Variants in SARNP observed in about 807,000 individuals in gnomAD.
The protein encoded by SARNP is SAP domain-containing ribonucleoprotein.
In SARNP, 5 loss-of-function variants were observed where a neutral mutation model predicts 38.1. The ratio of observed to expected loss-of-function variants is 0.13; its 90% CI spans 0.07 to 0.28. The LOEUF is 0.28. SARNP is among the 10% of genes least tolerant of loss of function. SARNP has a pLI of 1.00. For missense variants in SARNP, 180 were observed against 243.9 expected, an observed-to-expected ratio of 0.74 and a Z score of 1.75; for synonymous variants, 84 against 80.6, an observed-to-expected ratio of 1.04 and a Z score of -0.23.
At chr12:55,774,640 C>T (rs866156746) in intron 9 of SARNP, among the ~76,000 whole-genome samples, 4 of 149,030 alleles carry the variant, frequency 2.7e-5, no homozygotes, top group Non-Finnish European at 4.4e-5. Flanking sequence ...CCCAGCTACT[C>T]GGGAGGTTGA....
chr12:55,755,188 ACTC>A (rs1225461080), downstream of SARNP: 3 of 152,020 alleles, frequency 2.0e-5, no homozygotes, highest in Non-Finnish European at 2.9e-5. Flanking sequence ...TTCCTCCCTC[ACTC>A]CTCATATCAG....
intron 1 of SARNP, among the ~76,000 whole-genome samples, chr12:55,804,932 G>T (rs1271340634): frequency 6.6e-6 from 1 of 152,188 alleles, no homozygotes; most frequent in African/African-American, 2.4e-5. Context: ...TTTCAGCTAG[G>T]AGAACATTTC....
At chr12:55,790,631 A>C (rs1179055242) in intron 7 of SARNP, 39 bp from the exon 8 acceptor site, 2 of 1,455,858 alleles carry the variant, frequency 1.4e-6, no homozygotes, top group Admixed American at 2.7e-5. Context: ...TATTTTTAAA[A>C]GTCATCAAAG....
In SARNP at chr12:55,817,587, C is replaced by G. The variant is rs1273263304; in HGVS notation, c.36+79G>C. On this transcript the variant is annotated intron_variant, in intron 1 of 10. Coordinates refer to ENST00000336133, the MANE Select transcript of SARNP (RefSeq NM_033082.4). ...AGTGGAAAAGGCTGCACGGAGAAGA[C>G]GTAGGAGAAGGCGCAAGCTACCCTG... The G allele has an allele frequency of 6.6e-6, 9 of 1,363,846 alleles. No individual in the cohort carries two copies. The South Asian group carries it at 9.9e-5, about 15-fold the overall frequency. 84.5% of individuals were successfully genotyped at this position (1,363,846 alleles called of 1,614,324 possible).
At chr12:55,804,602 G>C (rs1431397748) in intron 1 of SARNP, among the ~76,000 whole-genome samples, 1 of 152,130 alleles carries the variant, frequency 6.6e-6, no homozygotes, top group East Asian at 1.9e-4. Flanking sequence ...TTTAGGCAAA[G>C]AAGGTTAACA....
intron 1 of SARNP, among the ~76,000 whole-genome samples, chr12:55,807,667 A>T (rs1208770532): frequency 6.7e-6 from 1 of 149,512 alleles, no homozygotes; most frequent in Non-Finnish European, 1.5e-5. Context: ...AAAAAAAATT[A>T]GCCGGGCGCG....
At chr12:55,803,239 T>C (rs1880037139) in intron 2 of SARNP, among the ~76,000 whole-genome samples, 1 of 151,970 alleles carries the variant, frequency 6.6e-6, no homozygotes, top group African/African-American at 2.4e-5. Flanking sequence ...ATCCCAGCAC[T>C]TTGGGAGGCT....
At chr12:55,780,583 T>C (rs1209486218) in intron 9 of SARNP, among the ~76,000 whole-genome samples, 1 of 151,920 alleles carries the variant, frequency 6.6e-6, no homozygotes, top group African/African-American at 2.4e-5. Flanking sequence ...AGCAGGAGAA[T>C]CACTTGAACC....
chr12:55,809,174 C>G (rs1441107200), intron 1 of SARNP, among the ~76,000 whole-genome samples: 2 of 152,102 alleles, frequency 1.3e-5, no homozygotes, highest in Non-Finnish European at 2.9e-5. Flanking sequence ...CCACTGCACT[C>G]CAGCCTGGGT....
At chr12:55,762,909 T>C (rs1183060057) in intron 9 of SARNP, among the ~76,000 whole-genome samples, 1 of 152,222 alleles carries the variant, frequency 6.6e-6, no homozygotes, top group African/African-American at 2.4e-5. Context: ...TCTTGGTCTT[T>C]AACTCTTTCA....
chr12:55,766,788 A>G (rs1878850332), intron 9 of SARNP, among the ~76,000 whole-genome samples: 1 of 151,988 alleles, frequency 6.6e-6, no homozygotes, highest in African/African-American at 2.4e-5. Context: ...ACGCCCAACT[A>G]ATTTTTGTTT....
intron 10 of SARNP, 185 bp downstream of exon 10, chr12:55,760,366 T>C (rs761696987): frequency 9.2e-5 from 50 of 546,376 alleles, no homozygotes; most frequent in Non-Finnish European, 1.3e-4. Context: ...AAGAAGTAGG[T>C]GGGAAAACAG....
chr12:55,803,795 TC>T, intron 1 of SARNP, 67 bp from the exon 2 acceptor site: 1 of 1,035,774 alleles, frequency 9.7e-7, no homozygotes, highest in Non-Finnish European at 1.5e-6. Flanking sequence ...AAATGGTAGT[TC>T]CCACAAGGAA....
At chr12:55,803,441 G>A (rs376089279) in intron 2 of SARNP, among the ~76,000 whole-genome samples, 188 bp downstream of exon 2, 74 of 150,812 alleles carry the variant, frequency 4.9e-4, no homozygotes, top group Middle Eastern at 3.4e-3. Context: ...CTGAAACTGC[G>A]TCACTGCACT....
chr12:55,785,518 G>A (rs145471398), intron 9 of SARNP, among the ~76,000 whole-genome samples: 224 of 151,582 alleles, frequency 1.5e-3, no homozygotes, highest in African/African-American at 4.3e-3. Context: ...GGCCATGTGC[G>A]GTGGCTCACG....
chr12:55,774,561 AAAAAAAAAAAAAACAAAC>A (rs1879108797), intron 9 of SARNP, among the ~76,000 whole-genome samples: 6 of 5,940 alleles, frequency 1.0e-3, no homozygotes, highest in East Asian at 0.071. Context: ...TCTCTACTGA[AAAAAAAAAAAAAACAAAC>A]AAAAAAAAAA....
intron 1 of SARNP, among the ~76,000 whole-genome samples, chr12:55,807,800 C>A (rs1440422574): frequency 6.9e-6 from 1 of 143,938 alleles, no homozygotes; most frequent in African/African-American, 2.6e-5. Context: ...GGTGACAGAG[C>A]GAGACTTTGT....
rs114464935 is a variant in SARNP, at chr12:55,790,230, T to A, written c.432+337A>T. 1.5e-3 allele frequency among the ~76,000 whole-genome samples: 232 copies of A among 150,892 alleles called. 1 individual carries two copies. Among genetic ancestry groups the A allele is most frequent in the African/African-American group, 5.2e-3 (213 of 41,250 alleles). ...GAACTCCTAAATTGCTTCCATAGAT[T>A]CTCTTGTGGTAATTATGAATTAGAC... is the stretch of plus-strand genomic sequence containing the variant. On this transcript the variant is annotated intron_variant, in intron 8 of 10. Transcript: ENST00000336133.
Position 55,757,509 on chromosome 12 carries a change from T to C in SARNP, c.*3A>G, listed in dbSNP as rs1878545945. 1 of 1,605,634 alleles carries C rather than the reference T, an allele frequency of 6.2e-7. No homozygotes were observed. The highest frequency in any genetic ancestry group is 1.1e-5 in the South Asian group (1 of 89,418). On this transcript the variant is annotated 3_prime_UTR_variant, in exon 11 of 11. Transcript: ENST00000336133. ...GAGAACAGAAAGTATCAGGAACTTT[T>C]CATCAGGCAATCCCAAAGCGCTCTG... is the stretch of plus-strand genomic sequence containing the variant.
Sources: allele counts gnomAD v4.1 joint callset (sites outside exome capture counted in the v4.1 genomes callset), GRCh38; gene constraint gnomAD v4.1.1; transcripts MANE v1.5; gene names NCBI Gene and HGNC (gene_info 2026-07-23, HGNC 2026-07-21).